GRK5: variants seen among roughly 807,000 people sequenced by gnomAD.
The protein encoded by GRK5 is g protein-coupled receptor kinase GRK5.
GRK5 carries 40 observed loss-of-function variants against 78.4 expected under a neutral mutation model. The ratio of observed to expected loss-of-function variants is 0.51; its 90% CI spans 0.40 to 0.66. The LOEUF is 0.66. GRK5 is among the 30% of genes least tolerant of loss of function. GRK5 has a pLI of 0.00. For synonymous variants in GRK5, 289 were observed against 296.8 expected, an observed-to-expected ratio of 0.97 and a Z score of 0.27; for missense variants, 598 against 759.9, an observed-to-expected ratio of 0.79 and a Z score of 2.50.
intron 14 of GRK5, 39 bp from the exon 15 acceptor site, chr10:119,453,106 C>T (rs201710719): frequency 7.6e-6 from 10 of 1,318,300 alleles, no homozygotes; most frequent in Admixed American, 5.0e-5. Flanking sequence ...CTGACTGCCC[C>T]AGTTGACGGC....
At chr10:119,317,795 G>A (rs766231366) in intron 1 of GRK5, among the ~76,000 whole-genome samples, 2 of 152,150 alleles carry the variant, frequency 1.3e-5, no homozygotes, top group Non-Finnish European at 2.9e-5. Context: ...CGTAGACAGG[G>A]CAGAAATAAC....
In GRK5 at chr10:119,269,631, G is replaced by C. The variant is rs140383457; in HGVS notation, c.53-56885G>C. Reference sequence around the variant, plus strand: ...GGATCACCTGAGGTCAGGAGTTTGAGACCAGCCTGGCCAACATGGTAAAAC... The same window carrying C: ...GGATCACCTGAGGTCAGGAGTTTGACACCAGCCTGGCCAACATGGTAAAAC... On this transcript the variant is annotated intron_variant, in intron 1 of 15. Coordinates refer to ENST00000392870, the MANE Select transcript of GRK5 (RefSeq NM_005308.3). Among the ~76,000 whole-genome samples the C allele has an allele frequency of 8.0e-3, 1,216 of 152,036 alleles. 16 individuals are homozygous for C. The highest frequency in any genetic ancestry group is 0.028 in the African/African-American group (1,166 of 41,452).
At chr10:119,211,842 C>T (rs977885204) in intron 1 of GRK5, 9 of 152,136 alleles carry the variant, frequency 5.9e-5, no homozygotes, top group Admixed American at 1.3e-4. Context: ...CAGGCTATGG[C>T]GTGGACAGAC....
intron 1 of GRK5, among the ~76,000 whole-genome samples, chr10:119,296,557 T>C (rs988738397): frequency 2.0e-5 from 3 of 152,162 alleles, no homozygotes; most frequent in Non-Finnish European, 4.4e-5. Context: ...AAAGGTTTCT[T>C]GGAGGAGGTC....
At chr10:119,357,728 A>G (rs1172586816) in intron 2 of GRK5, among the ~76,000 whole-genome samples, 2 of 151,434 alleles carry the variant, frequency 1.3e-5, no homozygotes, top group Non-Finnish European at 2.9e-5. Flanking sequence ...CCCCAGGTTC[A>G]CTCCCCACTT....
Position 119,454,509 on chromosome 10 carries a change from G to T in GRK5, c.1675-460G>T, listed in dbSNP as rs144781643. On this transcript the variant is annotated intron_variant, in intron 15 of 15. Coordinates refer to ENST00000392870, the MANE Select transcript of GRK5 (RefSeq NM_005308.3). ...ATGCAGAGGGAAGGCCTGAGCAATGGGAACGACCGCCCATCTCTCCCAGGC... is the reference window on the plus strand; with the variant it reads ...ATGCAGAGGGAAGGCCTGAGCAATGTGAACGACCGCCCATCTCTCCCAGGC... Among the ~76,000 whole-genome samples, 249 of 152,318 alleles carry T rather than the reference G, an allele frequency of 1.6e-3. 1 individual carries two copies. Among genetic ancestry groups the T allele is most frequent in the African/African-American group, 5.7e-3 (237 of 41,568 alleles).
chr10:119,443,897 G>A lies in GRK5; in HGVS notation c.1266+145G>A, dbSNP rs1853090742. ...GGGGGTTGCAGCCCACCAAGCTAGA[G>A]TTGAGGGCACTCCTTGCTGTGGACT... On this transcript the variant is annotated intron_variant, in intron 12 of 15. Coordinates refer to ENST00000392870, the MANE Select transcript of GRK5 (RefSeq NM_005308.3). The A allele has an allele frequency of 1.4e-5, 10 of 705,388 alleles. No homozygotes were observed. In the South Asian group the frequency reaches 1.9e-4, roughly 13 times the overall value. 43.7% of individuals were successfully genotyped at this position (705,388 alleles called of 1,614,324 possible). A position where few individuals can be genotyped will look rare whatever the true frequency, so the allele number is the denominator to read the frequency against.
intron 3 of GRK5, among the ~76,000 whole-genome samples, chr10:119,384,282 G>A: frequency 6.6e-6 from 1 of 152,082 alleles, no homozygotes; most frequent in Non-Finnish European, 1.5e-5. Context: ...CTCCTGCTGT[G>A]CCCCTCTGCT....
intron 1 of GRK5, among the ~76,000 whole-genome samples, chr10:119,250,430 G>A (rs1260205406): frequency 1.3e-5 from 2 of 151,748 alleles, no homozygotes; most frequent in African/African-American, 4.8e-5. Context: ...GTCTCGCTCT[G>A]TCACCCAGGC....
intron 2 of GRK5, among the ~76,000 whole-genome samples, chr10:119,338,117 G>A (rs1186861843): frequency 1.3e-5 from 2 of 152,152 alleles, no homozygotes; most frequent in Non-Finnish European, 2.9e-5. Context: ...GTGCTCATGT[G>A]GTCTGGTGGA....
At chr10:119,409,306 C>T (rs554345961) in intron 4 of GRK5, among the ~76,000 whole-genome samples, 5 of 152,194 alleles carry the variant, frequency 3.3e-5, no homozygotes, top group Admixed American at 2.0e-4. Context: ...TTCATCTTGG[C>T]GCCTCCTGAC....
Position 119,436,769 on chromosome 10 carries a change from A to G in GRK5, c.857A>G (p.Glu286Gly). 3 of 1,614,098 alleles carry G rather than the reference A, an allele frequency of 1.9e-6. No individual in the cohort carries two copies. The highest frequency in any genetic ancestry group is 2.5e-6 in the Non-Finnish European group (3 of 1,179,978). ...YNMGNPGFEE[E>G]RALFYAAEIL... The stretch of plus-strand genomic sequence containing the variant: ...ATGGGCAACCCTGGCTTCGAGGAGG[A>G]GCGGGCCTTGTTTTATGCGGCAGAG... Residue 286 changes from glutamate to glycine, a missense_variant, in exon 9 of 16, where the codon GAG becomes GGG. Physicochemically the swap from Glu to Gly is moderately conservative, Grantham distance 98. Transcript: ENST00000392870.
At chr10:119,377,892 G>C (rs578030533) in intron 2 of GRK5, 26 of 154,482 alleles carry the variant, frequency 1.7e-4, no homozygotes, top group African/African-American at 5.8e-4. Flanking sequence ...CTTTGGTTCT[G>C]TGTTTGTGCT....
At chr10:119,324,521 G>A (rs531687073) in intron 1 of GRK5, among the ~76,000 whole-genome samples, 2 of 152,318 alleles carry the variant, frequency 1.3e-5, no homozygotes, top group South Asian at 2.1e-4. Flanking sequence ...CCAGCTACTC[G>A]GGAGGCTGAG....
intron 1 of GRK5, 103 bp from the exon 2 acceptor site, chr10:119,326,413 C>G (rs1468645724): frequency 2.3e-6 from 2 of 865,978 alleles, no homozygotes; most frequent in Non-Finnish European, 3.8e-6. Context: ...GCCTACAGCC[C>G]GTCCCTCTGT....
chr10:119,281,454 G>T (rs1185882522), intron 1 of GRK5, among the ~76,000 whole-genome samples: 1 of 152,214 alleles, frequency 6.6e-6, no homozygotes, highest in Non-Finnish European at 1.5e-5. Flanking sequence ...CGAGCACCCA[G>T]AAGTGGTGAT....
chr10:119,325,727 G>A (rs139503834), intron 1 of GRK5, among the ~76,000 whole-genome samples: 1,631 of 152,304 alleles, frequency 0.011, 26 homozygotes, highest in Non-Finnish European at 0.013. Context: ...CGCTGTTTGC[G>A]CCTGTGCACC....
chr10:119,313,038 A>ATGGTGG (rs1158105953), intron 1 of GRK5, among the ~76,000 whole-genome samples: 1 of 8,186 alleles, frequency 1.2e-4, no homozygotes, highest in African/African-American at 4.2e-4. Flanking sequence ...GGCAGTGGTG[A>ATGGTGG]TGGTGGTGGT....
intron 4 of GRK5, among the ~76,000 whole-genome samples, chr10:119,404,387 G>C (rs1178406162): frequency 6.6e-6 from 1 of 152,160 alleles, no homozygotes; most frequent in Non-Finnish European, 1.5e-5. Flanking sequence ...CAAGTCATAA[G>C]AGTTCTTCAT....
Sources: gnomAD v4.1 joint callset for allele counts (sites outside exome capture counted in the v4.1 genomes callset) on GRCh38, gnomAD v4.1.1 for gene constraint, MANE v1.5 for transcripts, NCBI Gene and HGNC (gene_info 2026-07-23, HGNC 2026-07-21) for gene names.